The following ALAS1 variants were observed in gnomAD, a reference collection of about 807,000 sequenced individuals.
ALAS1 encodes 5-aminolevulinate synthase, non-specific, mitochondrial.
In ALAS1, 29 loss-of-function variants were observed where a neutral mutation model predicts 59.6. The observed-to-expected ratio is 0.49, with a 90% confidence interval of 0.36 to 0.66. The LOEUF (loss-of-function observed/expected upper bound fraction) is 0.66, where lower values mean the gene tolerates loss of function less well. Among genes scored for constraint, ALAS1 ranks in the 30% least tolerant of loss-of-function variants. ALAS1 has a pLI of 0.00. For missense variants in ALAS1, 690 were observed against 807.5 expected, an observed-to-expected ratio of 0.85 and a Z score of 1.76; for synonymous variants, 299 against 296.6, an observed-to-expected ratio of 1.01 and a Z score of -0.08.
rs146085862 is a variant in ALAS1 at position 52,206,903 on chromosome 3, C to A, written c.1165+152C>A. 2.4e-5 allele frequency: 19 copies of A among 790,802 alleles called. No individual in the cohort carries two copies. In the East Asian group the frequency reaches 4.6e-4, roughly 19 times the overall value. The allele number at this position is 790,802 out of a possible 1,614,324, so 49.0% of individuals were successfully genotyped here. A position where few individuals can be genotyped will look rare whatever the true frequency, so the allele number is the denominator to read the frequency against. On this transcript the variant is annotated intron_variant, in intron 8 of 11. Coordinates refer to ENST00000484952, the MANE Select transcript of ALAS1 (RefSeq NM_000688.6). ...AGGCAGGAGTGCAGTGGTGCGATCT[C>A]GACTCACTGCAAGCTCCGCCTCCCG...
intron 8 of ALAS1, among the ~76,000 whole-genome samples, chr3:52,207,663 T>C (rs1192569252): frequency 2.0e-5 from 3 of 152,118 alleles, no homozygotes; most frequent in African/African-American, 7.2e-5. Context: ...GTCCCTGGTG[T>C]CTGTTGTTCC....
chr3:52,208,876 A>G (rs539016860), intron 9 of ALAS1, among the ~76,000 whole-genome samples: 1 of 152,392 alleles, frequency 6.6e-6, no homozygotes, highest in African/African-American at 2.4e-5. Flanking sequence ...GTATGCAAAC[A>G]GTTATTATAA....
chr3:52,212,928 A>C (rs906448905), intron 11 of ALAS1, among the ~76,000 whole-genome samples: 4 of 152,120 alleles, frequency 2.6e-5, no homozygotes, highest in Admixed American at 2.6e-4. Flanking sequence ...GTGGAGAGTC[A>C]TTTTGGGAGC....
rs755879742 is a variant in ALAS1, at chr3:52,204,032, G to A, written c.577+20G>A. 3.8e-6 allele frequency: 6 copies of A among 1,585,344 alleles called. No individual in the cohort carries two copies. In the South Asian group the frequency reaches 6.9e-5, roughly 18 times the overall value. ...CAAAATGTAAGTCTCATTGTTATTT[G>A]CCTGATGTAGAAAAGAATTTATAAT... On this transcript the variant is annotated intron_variant, in intron 5 of 11. Coordinates refer to ENST00000484952, the MANE Select transcript of ALAS1 (RefSeq NM_000688.6).
intron 10 of ALAS1, 142 bp downstream of exon 10, chr3:52,211,693 A>G (rs1366801011): frequency 8.0e-7 from 1 of 1,247,192 alleles, no homozygotes; most frequent in African/African-American, 1.5e-5. Flanking sequence ...ACCCTCTGTC[A>G]TGTTTCCGCC....
rs1699241748 is a variant in ALAS1, at chr3:52,203,927, T to C, written c.492T>C (p.Ser164=). The C allele has an allele frequency of 2.5e-6, 4 of 1,613,716 alleles. No homozygotes were observed. Among genetic ancestry groups the C allele is most frequent in the Non-Finnish European group, 3.4e-6 (4 of 1,179,766 alleles). ...VSVKTDGGDP[S]GLLKNFQDIM... ...TGAAAACCGATGGAGGGGATCCCAGTGGACTGCTGAAGAACTTCCAGGACA... is the reference window on the plus strand; with the variant it reads ...TGAAAACCGATGGAGGGGATCCCAGCGGACTGCTGAAGAACTTCCAGGACA... Residue 164 remains serine (S), a synonymous_variant, in exon 5 of 12, where the codon AGT becomes AGC. Transcript: ENST00000484952.
rs1330800787 is a variant in ALAS1 at position 52,198,662 on chromosome 3, C to G, written c.-209-10C>G. The G allele has an allele frequency of 2.3e-5, 18 of 769,274 alleles. No homozygotes were observed. Among genetic ancestry groups the G allele is most frequent in the Non-Finnish European group, 3.6e-5 (17 of 469,022 alleles). The allele number at this position is 769,274 out of a possible 1,614,324, so 47.7% of individuals were successfully genotyped here. ...TACCCCTACCCTCATTTGTGCCCCT[C>G]CTTTCTCAGTTATGCCCAGTTCTTC... On this transcript the variant is annotated splice_polypyrimidine_tract_variant and intron_variant, in intron 1 of 11. Transcript: ENST00000484952.
intron 3 of ALAS1, among the ~76,000 whole-genome samples, chr3:52,201,576 A>T (rs532870382): frequency 2.6e-5 from 4 of 151,946 alleles, no homozygotes; most frequent in African/African-American, 9.7e-5. Context: ...ACATAACAAG[A>T]CTCCGTCTCT....
Position 52,206,615 on chromosome 3 carries a change from C to T in ALAS1, c.1029C>T (p.Ile343=), listed in dbSNP as rs765375245. ...YSDSGNHASM[I]QGIRNSRVPK... is the part of the protein sequence containing the mutation. Reference sequence around the variant, plus strand: ...ATTCTGGGAACCATGCCTCCATGATCCAAGGGATTCGAAACAGCCGAGTGC... The same window carrying T: ...ATTCTGGGAACCATGCCTCCATGATTCAAGGGATTCGAAACAGCCGAGTGC... The change falls in exon 8 of 12, where the codon ATC becomes ATT. Residue 343 remains isoleucine, a synonymous_variant. Coordinates refer to ENST00000484952, the MANE Select transcript of ALAS1 (RefSeq NM_000688.6). 4.8e-5 allele frequency: 78 copies of T among 1,614,052 alleles called. No homozygotes were observed. The highest frequency in any genetic ancestry group is 2.2e-4 in the Admixed American group (13 of 59,998).
At position 52,202,538 on chromosome 3, in the gene ALAS1, G is replaced by C; in HGVS notation, c.231G>C (p.Gln77His). The C allele has an allele frequency of 6.2e-7, 1 of 1,614,094 alleles. No individual in the cohort carries two copies. Among genetic ancestry groups the C allele is most frequent in the Non-Finnish European group, 8.5e-7 (1 of 1,179,968 alleles). The part of the protein sequence containing the change: ...KDKTAKAKVQ[Q>H]TPDGSQQSPD... ...AAACTGCTAAGGCCAAGGTCCAACA[G>C]ACTCCTGATGGATCCCAGCAGAGTC... The change falls in exon 4 of 12, where the codon CAG (glutamine) becomes CAC (histidine). Residue 77 changes from glutamine (Q) to histidine (H), a missense_variant. Gln to His is a conservative substitution (Grantham distance 24). Coordinates refer to ENST00000484952, the MANE Select transcript of ALAS1 (RefSeq NM_000688.6).
chr3:52,201,195 A>G (rs1348247966), intron 3 of ALAS1, among the ~76,000 whole-genome samples: 1 of 152,222 alleles, frequency 6.6e-6, no homozygotes, highest in African/African-American at 2.4e-5. Context: ...TCTAGAAAGA[A>G]GGTGAATGAA....
chr3:52,206,106 C>T lies in ALAS1; in HGVS notation c.985+83C>T, dbSNP rs1699287042. 10 of 1,253,620 alleles carry T rather than the reference C, an allele frequency of 8.0e-6. No individual in the cohort carries two copies. In the South Asian group the frequency reaches 1.3e-4, roughly 17 times the overall value. 77.7% of individuals were successfully genotyped at this position (1,253,620 alleles called of 1,614,324 possible). On this transcript the variant is annotated intron_variant, in intron 7 of 11. Coordinates refer to ENST00000484952, the MANE Select transcript of ALAS1 (RefSeq NM_000688.6). ...AATATTGGCAACAAAGAAGCCTTAC[C>T]AGAACCTCTCAATTGAAAATCATAA...
At chr3:52,209,434 C>T (rs1356660758) in intron 9 of ALAS1, among the ~76,000 whole-genome samples, 1 of 152,136 alleles carries the variant, frequency 6.6e-6, no homozygotes, top group Admixed American at 6.5e-5. Flanking sequence ...TTCTCAATCT[C>T]CTGACCACGT....
At position 52,205,917 on chromosome 3, in the gene ALAS1, A is replaced by ATT; in HGVS notation, c.879_880insTT (p.Glu294LeufsTer34). On this transcript the variant is annotated frameshift_variant, in exon 7 of 12. Coordinates refer to ENST00000484952, the MANE Select transcript of ALAS1 (RefSeq NM_000688.6). LOFTEE classifies it high-confidence loss of function. ...GAACTAGTAAATTCCATGTGGACTT[A>ATT]GAGCGGGAGCTGGCAGACCTCCATG... The ATT allele has an allele frequency of 6.2e-7, 1 of 1,614,226 alleles. No individual in the cohort carries two copies. Among genetic ancestry groups the ATT allele is most frequent in the Non-Finnish European group, 8.5e-7 (1 of 1,180,018 alleles).
In ALAS1 at chr3:52,206,720, T is replaced by A. The variant is rs775458397; in HGVS notation, c.1134T>A (p.Ile378=). 1 of 1,614,198 alleles carries A rather than the reference T, an allele frequency of 6.2e-7. No individual in the cohort carries two copies. The highest frequency in any genetic ancestry group is 8.5e-7 in the Non-Finnish European group (1 of 1,180,026). Residue 378 remains isoleucine, a synonymous_variant, in exon 8 of 12, where the codon ATT becomes ATA. Transcript: ENST00000484952. The part of the protein sequence containing the change: ...LQRSDPSVPK[I]VAFETVHSMD... ...GATCTGACCCCTCAGTCCCCAAGAT[T>A]GTGGCATTTGAAACTGTCCATTCAA... is the stretch of plus-strand genomic sequence containing the variant.
intron 6 of ALAS1, among the ~76,000 whole-genome samples, chr3:52,205,638 G>T (rs1281942938): frequency 6.6e-6 from 1 of 152,104 alleles, no homozygotes; most frequent in Non-Finnish European, 1.5e-5. Context: ...ATTCCTGGAG[G>T]TATCATCACC....
At position 52,203,911 on chromosome 3, in the gene ALAS1, A is replaced by T; in HGVS notation, c.476A>T (p.Asp159Val). 6.2e-7 allele frequency: 1 copy of T among 1,613,216 alleles called. No individual in the cohort carries two copies. Among genetic ancestry groups the T allele is most frequent in the Non-Finnish European group, 8.5e-7 (1 of 1,179,470 alleles). ...CCCAGTGTGGTTAGTGTGAAAACCG[A>T]TGGAGGGGATCCCAGTGGACTGCTG... ...AGPSVVSVKTDGGDPSGLLKN... is the reference protein window; with the variant it reads ...AGPSVVSVKTVGGDPSGLLKN... The change falls in exon 5 of 12, where the codon GAT (aspartate) becomes GTT (valine). Residue 159 changes from aspartate (D) to valine (V), a missense_variant. By Grantham distance (152) the Asp-to-Val change is radical. Coordinates refer to ENST00000484952, the MANE Select transcript of ALAS1 (RefSeq NM_000688.6).
chr3:52,211,953 G>C (rs1699418913), intron 10 of ALAS1, among the ~76,000 whole-genome samples: 1 of 152,240 alleles, frequency 6.6e-6, no homozygotes, highest in South Asian at 2.1e-4. Flanking sequence ...AATACAGCTA[G>C]TATAACTGAA....
chr3:52,212,172 C>T lies in ALAS1; in HGVS notation c.1600-86C>T, dbSNP rs147341673. ...GCTACAGTCTGGTCTTGAGCCTGAG[C>T]GTTGTGGGGACTGCGTTCGTTAGGA... On this transcript the variant is annotated intron_variant, in intron 10 of 11. Transcript: ENST00000484952. The T allele has an allele frequency of 8.0e-4, 999 of 1,252,356 alleles. 6 individuals carry two copies. The African/African-American group carries it at 0.013, about 17-fold the overall frequency. 77.6% of individuals were successfully genotyped at this position (1,252,356 alleles called of 1,614,324 possible).
Sources: gnomAD v4.1 joint callset for allele counts (sites outside exome capture counted in the v4.1 genomes callset) on GRCh38, gnomAD v4.1.1 for gene constraint, MANE v1.5 for transcripts, NCBI Gene and HGNC (gene_info 2026-07-23, HGNC 2026-07-21) for gene names.